Variants in CRACDL observed in about 807,000 individuals in gnomAD.
The protein encoded by CRACDL is CRACD like.
Under a neutral mutation model 70.6 loss-of-function variants are expected in CRACDL, and 26 were observed. The observed-to-expected ratio is 0.37, with a 90% CI of 0.27 to 0.51. The LOEUF (loss-of-function observed/expected upper bound fraction) is 0.51, where lower values mean the gene tolerates loss of function less well. CRACDL is among the 20% of genes least tolerant of loss of function. CRACDL has a pLI of 0.94. For synonymous variants in CRACDL, 618 were observed against 615.2 expected (o/e 1.00, Z -0.07); for missense variants, 1,283 against 1,376.9 (o/e 0.93, Z 1.08).
At chr2:98,866,303 T>C (rs1049069050) in intron 1 of CRACDL, among the ~76,000 whole-genome samples, 1 of 151,984 alleles carries the variant, frequency 6.6e-6, no homozygotes, top group African/African-American at 2.4e-5. Context: ...CCTTTCTTGC[T>C]AAGTAGGTAA....
In CRACDL at chr2:98,804,365, C is replaced by T. The variant is rs547490443; in HGVS notation, c.2417-6828G>A. On this transcript the variant is annotated intron_variant, in intron 7 of 9. Coordinates refer to ENST00000397899, the MANE Select transcript of CRACDL (RefSeq NM_207362.3). ...GCTGACTCCATATTTGAGAATTCGC[C>T]TACTCGCTAAAATACATTTGTAATC... 3.3e-5 allele frequency among the ~76,000 whole-genome samples: 5 copies of T among 152,328 alleles called. No individual in the cohort carries two copies. In the East Asian group the frequency reaches 9.6e-4, roughly 29 times the overall value.
Position 98,794,573 on chromosome 2 carries a change from T to C in CRACDL, c.2848A>G (p.Lys950Glu). ...QPSWMELARK[K>E]SQAWSDMPQI... is the part of the protein sequence containing the mutation. The stretch of plus-strand genomic sequence containing the variant: ...GGCATGTCACTCCAAGCTTGAGATT[T>C]CTTTCTGGCAAGTTCCATCCAGGAT... Residue 950 changes from lysine to glutamate, a missense_variant, in exon 10 of 10, where the codon AAA (lysine) becomes GAA (glutamate). Physicochemically the swap from Lys to Glu is moderately conservative, Grantham distance 56. Transcript: ENST00000397899. 1 of 1,614,100 alleles carries C rather than the reference T, an allele frequency of 6.2e-7. No homozygotes were observed. Among genetic ancestry groups the C allele is most frequent in the Non-Finnish European group, 8.5e-7 (1 of 1,179,950 alleles).
rs752072741 is a variant in CRACDL at position 98,896,206 on chromosome 2, G to C, written c.-11+39732C>G. On this transcript the variant is annotated intron_variant, in intron 1 of 9. Coordinates refer to ENST00000397899, the MANE Select transcript of CRACDL (RefSeq NM_207362.3). The stretch of plus-strand genomic sequence containing the variant: ...AAGCAAGGCCAGGAAGTGAGGAGAA[G>C]ACACGGCAAGCATGCACCCAGGTTT... Among the ~76,000 whole-genome samples, 250 of 152,150 alleles carry C rather than the reference G, an allele frequency of 1.6e-3. 2 individuals carry two copies. Among genetic ancestry groups the C allele is most frequent in the Non-Finnish European group, 1.1e-3 (75 of 68,028 alleles).
intron 1 of CRACDL, among the ~76,000 whole-genome samples, chr2:98,874,510 G>A (rs955533825): frequency 6.6e-6 from 1 of 152,206 alleles, no homozygotes; most frequent in Non-Finnish European, 1.5e-5. Flanking sequence ...GTCTCCCTCC[G>A]CATGCCTGGA....
chr2:98,839,366 C>T (rs957067486), intron 2 of CRACDL, among the ~76,000 whole-genome samples: 2 of 152,176 alleles, frequency 1.3e-5, no homozygotes, highest in African/African-American at 4.8e-5. Flanking sequence ...ACTTTATAAT[C>T]GTAAAAAATG....
chr2:98,827,135 C>G lies in CRACDL; in HGVS notation c.575G>C (p.Ser192Thr). ...GTCTGAGATCCGGGCAGAGACGGTG[C>G]TGTCGCTCACGTGGTCTGGAGACAC... ...SVVSPDHVSD[S>T]TVSARISDNS... The change falls in exon 6 of 10, where the codon AGC becomes ACC. Residue 192 changes from serine to threonine, a missense_variant. Coordinates refer to ENST00000397899, the MANE Select transcript of CRACDL (RefSeq NM_207362.3). 2.5e-6 allele frequency: 4 copies of G among 1,614,104 alleles called. No individual in the cohort carries two copies. Among genetic ancestry groups the G allele is most frequent in the Non-Finnish European group, 3.4e-6 (4 of 1,179,986 alleles).
intron 7 of CRACDL, among the ~76,000 whole-genome samples, chr2:98,808,073 G>A (rs1029342210): frequency 3.9e-5 from 6 of 152,132 alleles, no homozygotes; most frequent in Admixed American, 2.6e-4. Context: ...TTTTAATTTC[G>A]CTTACATTTA....
At chr2:98,929,393 C>G (rs965166882) in intron 1 of CRACDL, among the ~76,000 whole-genome samples, 10 of 152,122 alleles carry the variant, frequency 6.6e-5, no homozygotes, top group Non-Finnish European at 4.4e-5. Context: ...TGTGTGTAGT[C>G]GCAGAGTTGT....
chr2:98,903,237 G>A (rs572993085), intron 1 of CRACDL, among the ~76,000 whole-genome samples: 121 of 152,244 alleles, frequency 7.9e-4, no homozygotes, highest in African/African-American at 2.7e-3. Flanking sequence ...AAGCCACAAG[G>A]AGCTCCCTTT....
At chr2:98,866,472 C>CTTTTTTTTTTT (rs869154325) in intron 1 of CRACDL, among the ~76,000 whole-genome samples, 2 of 107,812 alleles carry the variant, frequency 1.9e-5, no homozygotes, top group African/African-American at 7.0e-5. Context: ...ACAATCACTT[C>CTTTTTTTTTTT]TTCTTTTTTT....
intron 7 of CRACDL, among the ~76,000 whole-genome samples, chr2:98,804,556 C>T (rs898651095): frequency 6.6e-6 from 1 of 152,138 alleles, no homozygotes; most frequent in African/African-American, 2.4e-5. Context: ...TTGTAGTCTA[C>T]TCAGTGCCAC....
intron 1 of CRACDL, among the ~76,000 whole-genome samples, chr2:98,885,497 G>A (rs1471249779): frequency 6.6e-6 from 1 of 152,134 alleles, no homozygotes; most frequent in Non-Finnish European, 1.5e-5. Context: ...GGATGCTAAT[G>A]TTTACCATTC....
intron 1 of CRACDL, among the ~76,000 whole-genome samples, chr2:98,905,837 G>A (rs1382420100): frequency 1.3e-5 from 2 of 152,018 alleles, no homozygotes; most frequent in Non-Finnish European, 1.5e-5. Flanking sequence ...GGCTGGTCTC[G>A]AACTCCTGAC....
chr2:98,929,891 C>T (rs1049272375), intron 1 of CRACDL, among the ~76,000 whole-genome samples: 13 of 152,068 alleles, frequency 8.5e-5, no homozygotes, highest in African/African-American at 7.2e-5. Context: ...ATTCATGAAG[C>T]ACCACATGGA....
intron 1 of CRACDL, among the ~76,000 whole-genome samples, chr2:98,867,411 C>G (rs1707190153): frequency 6.6e-6 from 1 of 152,144 alleles, no homozygotes; most frequent in Admixed American, 6.5e-5. Context: ...CCCCTGAATA[C>G]AATTCATGTC....
chr2:98,883,977 C>T (rs1473655397), intron 1 of CRACDL, among the ~76,000 whole-genome samples: 1 of 152,232 alleles, frequency 6.6e-6, no homozygotes, highest in Non-Finnish European at 1.5e-5. Flanking sequence ...CCCGTCCTAA[C>T]TCACTGGGAT....
At chr2:98,832,306 C>T (rs1412198614) in intron 5 of CRACDL, 42 bp downstream of exon 5, 5 of 1,608,286 alleles carry the variant, frequency 3.1e-6, no homozygotes, top group Admixed American at 1.7e-5. Context: ...CCCTCCAGGG[C>T]AGGTGTGGAT....
In CRACDL at chr2:98,893,872, G is replaced by A. The variant is rs72957625; in HGVS notation, c.-11+42066C>T. 6.7e-3 allele frequency among the ~76,000 whole-genome samples: 1,018 copies of A among 152,252 alleles called. 12 individuals carry two copies. The highest frequency in any genetic ancestry group is 0.023 in the African/African-American group (964 of 41,554). ...TAAGAATCAGCAAATACTTATGATC[G>A]CATCCACACGAACGCCCGTGCACCA... On this transcript the variant is annotated intron_variant, in intron 1 of 9. Coordinates refer to ENST00000397899, the MANE Select transcript of CRACDL (RefSeq NM_207362.3).
chr2:98,893,347 G>C (rs1015147478), intron 1 of CRACDL, among the ~76,000 whole-genome samples: 1 of 152,104 alleles, frequency 6.6e-6, no homozygotes, highest in East Asian at 1.9e-4. Context: ...GCAGTGATGC[G>C]ATCTCAGTTC....
Sources: allele counts gnomAD v4.1 joint callset (sites outside exome capture counted in the v4.1 genomes callset), GRCh38; gene constraint gnomAD v4.1.1; transcripts MANE v1.5; gene names NCBI Gene and HGNC (gene_info 2026-07-23, HGNC 2026-07-21).